Variants in BCKDHB observed in about 807,000 individuals in gnomAD.
BCKDHB encodes 2-oxoisovalerate dehydrogenase subunit beta, mitochondrial.
BCKDHB carries 41 observed loss-of-function variants against 48.5 expected under a neutral mutation model. The observed-to-expected ratio is 0.85, with a 90% confidence interval of 0.66 to 1.10. BCKDHB has a LOEUF of 1.10. BCKDHB is among the 50% of genes least tolerant of loss of function. The pLI, the probability that BCKDHB is intolerant of heterozygous loss-of-function variation, is 0.00. For synonymous variants in BCKDHB, 201 were observed against 174.8 expected (o/e 1.15, Z -1.18); for missense variants, 496 against 494.2 (o/e 1.00, Z -0.03).
intron 6 of BCKDHB, 124 bp downstream of exon 6, chr6:80,171,514 A>AT (rs1562107255): frequency 3.1e-6 from 2 of 643,082 alleles, no homozygotes; most frequent in South Asian, 2.2e-5. Flanking sequence ...AAGAATCTTG[A>AT]TTTTTTTGGT....
downstream of BCKDHB, among the ~76,000 whole-genome samples, chr6:80,350,957 A>T (rs1770375779): frequency 6.6e-6 from 1 of 152,178 alleles, no homozygotes; most frequent in Non-Finnish European, 1.5e-5. Context: ...GAAGGCTCTC[A>T]ATATGTTGCT....
At chr6:80,361,219 C>A in the BCKDHB span, among the ~76,000 whole-genome samples, 1 of 152,092 alleles carries the variant, frequency 6.6e-6, no homozygotes, top group African/African-American at 2.4e-5. Context: ...CCTCTTCCTG[C>A]TGGCTTTCCA....
At chr6:80,411,976 C>G in the BCKDHB span, among the ~76,000 whole-genome samples, 1 of 152,212 alleles carries the variant, frequency 6.6e-6, no homozygotes, top group African/African-American at 2.4e-5. Context: ...ACTGTCCAGC[C>G]AGTCCCAGTG....
chr6:80,140,644 G>C (rs2127741366), intron 3 of BCKDHB, among the ~76,000 whole-genome samples: 1 of 152,108 alleles, frequency 6.6e-6, no homozygotes, highest in South Asian at 2.1e-4. Context: ...TTGCATCCCA[G>C]GGATGAAGCC....
intron 6 of BCKDHB, among the ~76,000 whole-genome samples, chr6:80,198,169 T>C (rs72892441): frequency 0.067 from 10,134 of 152,186 alleles, 424 homozygotes; most frequent in South Asian, 0.099. Flanking sequence ...TGTTGTAGGG[T>C]AGAAACAGCC....
intron 8 of BCKDHB, among the ~76,000 whole-genome samples, chr6:80,259,613 G>A (rs1441271035): frequency 6.6e-6 from 1 of 152,074 alleles, no homozygotes; most frequent in Admixed American, 6.6e-5. Flanking sequence ...ATTTATAAAT[G>A]ATTTCTTAAG....
At chr6:80,194,067 T>G (rs748565708) in intron 6 of BCKDHB, among the ~76,000 whole-genome samples, 2 of 152,180 alleles carry the variant, frequency 1.3e-5, no homozygotes. Context: ...TATCAATGTA[T>G]AGTGTCTCTG....
At chr6:80,254,587 C>T (rs1287449393) in intron 8 of BCKDHB, among the ~76,000 whole-genome samples, 1 of 152,092 alleles carries the variant, frequency 6.6e-6, no homozygotes, top group Non-Finnish European at 1.5e-5. Context: ...TTGGTCCCAT[C>T]TACTCTGTAG....
At chr6:80,218,036 G>T (rs886112162) in intron 8 of BCKDHB, among the ~76,000 whole-genome samples, 1 of 152,144 alleles carries the variant, frequency 6.6e-6, no homozygotes, top group Non-Finnish European at 1.5e-5. Flanking sequence ...TTGAGTCAGC[G>T]CTGTGGCTCT....
the BCKDHB span, chr6:80,465,602 G>A: frequency 6.6e-6 from 1 of 152,166 alleles, no homozygotes; most frequent in East Asian, 1.9e-4. Context: ...AGTTATCTCT[G>A]ATTCCATCCC....
intron 9 of BCKDHB, among the ~76,000 whole-genome samples, 179 bp downstream of exon 9, chr6:80,273,400 G>C (rs1159754662): frequency 6.7e-6 from 1 of 148,774 alleles, no homozygotes; most frequent in Non-Finnish European, 1.5e-5. Flanking sequence ...CACACTTTCT[G>C]TTTGTTAGTT....
rs6913792 is a variant in BCKDHB at position 80,296,173 on chromosome 6, C to T, written c.1038+22952C>T. Among the ~76,000 whole-genome samples the T allele has an allele frequency of 9.3e-3, 1,411 of 152,242 alleles. 29 individuals carry two copies. Among genetic ancestry groups the T allele is most frequent in the African/African-American group, 0.032 (1,342 of 41,536 alleles). On this transcript the variant is annotated intron_variant, in intron 9 of 9. Coordinates refer to ENST00000320393, the MANE Select transcript of BCKDHB (RefSeq NM_183050.4). ...GTTTTTTACCTCTATTCTAATGTTACAATCACCATAGTTATCAGAAACCTG... is the reference window on the plus strand; with the variant it reads ...GTTTTTTACCTCTATTCTAATGTTATAATCACCATAGTTATCAGAAACCTG...
chr6:80,169,127 A>T (rs973141409), intron 5 of BCKDHB, 97 bp downstream of exon 5: 52 of 1,476,236 alleles, frequency 3.5e-5, no homozygotes, highest in Non-Finnish European at 4.8e-5. Flanking sequence ...AAAGAAAACA[A>T]ACAGGATTCT....
At chr6:80,403,748 T>A in the BCKDHB span, among the ~76,000 whole-genome samples, 2 of 152,002 alleles carry the variant, frequency 1.3e-5, no homozygotes, top group African/African-American at 4.8e-5. Context: ...TTGAGGCACA[T>A]TCTTTCTATA....
intron 2 of BCKDHB, among the ~76,000 whole-genome samples, chr6:80,128,929 A>G (rs1770480731): frequency 6.6e-6 from 1 of 151,810 alleles, no homozygotes; most frequent in African/African-American, 2.4e-5. Context: ...TCCAGTGGGT[A>G]GAGACCAGGG....
intron 3 of BCKDHB, among the ~76,000 whole-genome samples, chr6:80,159,473 T>A (rs1013597606): frequency 6.6e-5 from 10 of 152,232 alleles, no homozygotes; most frequent in African/African-American, 2.2e-4. Flanking sequence ...AGTAATTTTT[T>A]AAATTTGCGT....
chr6:80,289,843 C>G (rs114863281), intron 9 of BCKDHB, among the ~76,000 whole-genome samples: 1,824 of 152,268 alleles, frequency 0.012, 30 homozygotes, highest in African/African-American at 0.042. Flanking sequence ...AGCCATAGAG[C>G]TGCTCTGTGG....
chr6:80,416,953 G>C, the BCKDHB span, among the ~76,000 whole-genome samples: 1 of 151,932 alleles, frequency 6.6e-6, no homozygotes, highest in Non-Finnish European at 1.5e-5. Context: ...TGAGTGGGGT[G>C]TTAAAATCTC....
the BCKDHB span, among the ~76,000 whole-genome samples, chr6:80,380,326 A>G: frequency 6.6e-6 from 1 of 151,944 alleles, no homozygotes; most frequent in African/African-American, 2.4e-5. Flanking sequence ...ACAAAAATAA[A>G]CAATGGGGAA....
Sources: allele counts gnomAD v4.1 joint callset (sites outside exome capture counted in the v4.1 genomes callset), GRCh38; gene constraint gnomAD v4.1.1; transcripts MANE v1.5; gene names NCBI Gene and HGNC (gene_info 2026-07-23, HGNC 2026-07-21).